The following CRTC1 variants were observed in gnomAD, a reference collection of about 807,000 sequenced individuals.
CRTC1 encodes the protein CREB regulated transcription coactivator 1.
CRTC1 carries 18 observed loss-of-function variants against 66.1 expected under a neutral mutation model. The ratio of observed to expected loss-of-function variants is 0.27; its 90% CI spans 0.19 to 0.40. The LOEUF is 0.40. Ranked by LOEUF, CRTC1 falls within the 10% of genes least tolerant of loss-of-function variation. The pLI is 1.00. For synonymous variants in CRTC1, 416 were observed against 398.8 expected (o/e 1.04, Z -0.51); for missense variants, 669 against 887.9 (o/e 0.75, Z 3.13).
chr19:18,689,583 A>ATATATATATG (rs60084986), intron 1 of CRTC1, among the ~76,000 whole-genome samples: 24 of 65,726 alleles, frequency 3.7e-4, no homozygotes, highest in Non-Finnish European at 4.8e-4. Flanking sequence ...ATATATATAT[A>ATATATATATG]TATGTAATAT....
rs988176999 is a variant in CRTC1, at chr19:18,741,586, C to T, written c.127-1324C>T. ...GCTGTAGGACCCCCACCCTACACCC[C>T]CTCCCTCTGCCACAGCCCGGAGCTG... On this transcript the variant is annotated intron_variant, in intron 1 of 13. Coordinates refer to ENST00000321949, the MANE Select transcript of CRTC1 (RefSeq NM_015321.3). The surrounding 1 kb of genome is among the most constrained non-coding windows in gnomAD (Gnocchi z 4.2). Among the ~76,000 whole-genome samples the T allele has an allele frequency of 2.0e-5, 3 of 152,154 alleles. No individual in the cohort carries two copies. The highest frequency in any genetic ancestry group is 2.9e-5 in the Non-Finnish European group (2 of 67,998).
intron 8 of CRTC1, among the ~76,000 whole-genome samples, chr19:18,761,290 AGT>A (rs1432118616): frequency 6.6e-6 from 1 of 152,056 alleles, no homozygotes; most frequent in African/African-American, 2.4e-5. Context: ...TTGGCTGTGC[AGT>A]GTGTGACCTG....
chr19:18,755,777 A>G (rs901393772), intron 6 of CRTC1, among the ~76,000 whole-genome samples: 2 of 150,834 alleles, frequency 1.3e-5, no homozygotes, highest in African/African-American at 4.9e-5. Context: ...CAATTTTTAA[A>G]TCATTTATAG....
chr19:18,777,366 G>A lies in CRTC1; in HGVS notation c.1889G>A (p.Arg630Gln), dbSNP rs2055013875. ...LADPATEDTF[R>Q]MDRL ...GACCCAGCCACCGAGGACACCTTCC[G>A]GATGGACCGCCTGTGAGCGGGCACG... Residue 630 changes from arginine to glutamine, a missense_variant, in exon 14 of 14, where the codon CGG becomes CAG. This residue lies in a region of CRTC1 where 91 missense variants were observed against 99.1 expected (regional missense o/e 0.92). Coordinates refer to ENST00000321949, the MANE Select transcript of CRTC1 (RefSeq NM_015321.3). The surrounding 1 kb of genome is among the most constrained non-coding windows in gnomAD (Gnocchi z 5.5). 1.2e-6 allele frequency: 2 copies of A among 1,604,146 alleles called. No homozygotes were observed. Among genetic ancestry groups the A allele is most frequent in the African/African-American group, 1.3e-5 (1 of 75,036 alleles).
chr19:18,742,222 C>T (rs959473737), intron 1 of CRTC1, among the ~76,000 whole-genome samples: 1 of 152,180 alleles, frequency 6.6e-6, no homozygotes, highest in African/African-American at 2.4e-5. Flanking sequence ...CATCAGGGAG[C>T]TCCTGGCCCC....
chr19:18,772,337 A>C (rs1349686140), intron 11 of CRTC1, among the ~76,000 whole-genome samples: 1 of 152,178 alleles, frequency 6.6e-6, no homozygotes, highest in Non-Finnish European at 1.5e-5. Context: ...GTCCGGGAGA[A>C]GGGGTGCCCA....
chr19:18,779,376 T>A lies in CRTC1; in HGVS notation c.*1994T>A, dbSNP rs1394837363. ...CTCCTGCTGCCGTCTTGTTCCAAGG[T>A]GCGGGGGGGACACTGTTGGTCTGTC... On this transcript the variant is annotated 3_prime_UTR_variant, in exon 14 of 14. Coordinates refer to ENST00000321949, the MANE Select transcript of CRTC1 (RefSeq NM_015321.3). 1 of 225,434 alleles carries A rather than the reference T, an allele frequency of 4.4e-6. No homozygotes were observed. Among genetic ancestry groups the A allele is most frequent in the African/African-American group, 2.2e-5 (1 of 44,764 alleles). The allele number at this position is 225,434 out of a possible 1,614,324, so 14.0% of individuals were successfully genotyped here. A position where few individuals can be genotyped will look rare whatever the true frequency, so the allele number is the denominator to read the frequency against.
chr19:18,759,953 G>GCTGCCAGCCCCCTGTCC, intron 7 of CRTC1, 55 bp from the exon 8 acceptor site: 2 of 1,051,878 alleles, frequency 1.9e-6, no homozygotes, highest in South Asian at 1.6e-5. Context: ...CCCTGTCCCC[G>GCTGCCAGCCCCCTGTCC]CCGCCAGCCC....
At chr19:18,749,126 C>G (rs1322385744) in intron 4 of CRTC1, among the ~76,000 whole-genome samples, 1 of 152,128 alleles carries the variant, frequency 6.6e-6, no homozygotes, top group Non-Finnish European at 1.5e-5. Context: ...CCCATCAGTT[C>G]CTAGAGGGAA....
At chr19:18,720,553 A>G (rs2053603640) in intron 1 of CRTC1, among the ~76,000 whole-genome samples, 1 of 121,894 alleles carries the variant, frequency 8.2e-6, no homozygotes, top group Non-Finnish European at 1.7e-5. Flanking sequence ...TTTTTAGCAG[A>G]GATGGGGTTT....
Position 18,781,558 on chromosome 19 carries a change from T to C in CRTC1, c.*4176T>C. Reference sequence around the variant, plus strand: ...CCCCCACTGGCCACAGACACCATTCTCCCCCTGGGAGCAGGAGGTGGAGTA... The same window carrying C: ...CCCCCACTGGCCACAGACACCATTCCCCCCCTGGGAGCAGGAGGTGGAGTA... On this transcript the variant is annotated 3_prime_UTR_variant, in exon 14 of 14. Transcript: ENST00000321949. 1 of 228,756 alleles carries C rather than the reference T, an allele frequency of 4.4e-6. No homozygotes were observed. The highest frequency in any genetic ancestry group is 8.7e-6 in the Non-Finnish European group (1 of 115,352). The allele number at this position is 228,756 out of a possible 1,614,324, so 14.2% of individuals were successfully genotyped here.
chr19:18,761,073 G>T (rs1439393941), intron 8 of CRTC1, among the ~76,000 whole-genome samples: 1 of 152,046 alleles, frequency 6.6e-6, no homozygotes, highest in Non-Finnish European at 1.5e-5. Flanking sequence ...CTTAGCCCCA[G>T]TCCCACCTCA....
At chr19:18,701,667 G>T (rs902112684) in intron 1 of CRTC1, among the ~76,000 whole-genome samples, 1 of 152,124 alleles carries the variant, frequency 6.6e-6, no homozygotes, top group African/African-American at 2.4e-5. Flanking sequence ...GTGCAATGGC[G>T]CCATCTCAGC....
At chr19:18,729,903 G>A (rs1356053677) in intron 1 of CRTC1, among the ~76,000 whole-genome samples, 1 of 152,094 alleles carries the variant, frequency 6.6e-6, no homozygotes, top group African/African-American at 2.4e-5. Context: ...TCCTGGGGTT[G>A]CCTGTGAAAC....
At chr19:18,708,421 G>A (rs975306733) in intron 1 of CRTC1, among the ~76,000 whole-genome samples, 10 of 152,304 alleles carry the variant, frequency 6.6e-5, no homozygotes, top group South Asian at 2.1e-4. Flanking sequence ...CCCGAGAGAG[G>A]AACGGGGCCA....
chr19:18,692,997 C>G (rs553786486), intron 1 of CRTC1, among the ~76,000 whole-genome samples: 113 of 149,612 alleles, frequency 7.6e-4, no homozygotes, highest in African/African-American at 2.8e-3. Flanking sequence ...ATCGCTTGAA[C>G]CTGGGAGGTG....
At chr19:18,696,461 G>A (rs1373963918) in intron 1 of CRTC1, among the ~76,000 whole-genome samples, 1 of 152,186 alleles carries the variant, frequency 6.6e-6, no homozygotes, top group East Asian at 1.9e-4. Context: ...ACAGTGGATT[G>A]TTGCAGTAAC....
rs977800528 is a variant in CRTC1, at chr19:18,771,769, G to T, written c.1425+223G>T. 2.6e-5 allele frequency among the ~76,000 whole-genome samples: 4 copies of T among 152,204 alleles called. No homozygotes were observed. Among genetic ancestry groups the T allele is most frequent in the Non-Finnish European group, 4.4e-5 (3 of 68,028 alleles). ...CCAGGAGCCGCCAGAGCCTGCCTCT[G>T]CTGAACACTAGGTGGGGGTGTGCGT... On this transcript the variant is annotated intron_variant, in intron 11 of 13. Transcript: ENST00000321949. This position sits in a 1 kb window ranked among gnomAD's most constrained non-coding sequence, Gnocchi z 4.6.
At position 18,726,553 on chromosome 19, in the gene CRTC1, G is replaced by A. The variant is rs113776482; in HGVS notation, c.127-16357G>A. On this transcript the variant is annotated intron_variant, in intron 1 of 13. Transcript: ENST00000321949. ...TGTGAGTGAGCTCATTTGGAAATAG[G>A]GATTTTACAGATGGACTTAAGTCAT... 2.1e-3 allele frequency among the ~76,000 whole-genome samples: 320 copies of A among 152,330 alleles called. 1 individual carries two copies. Among genetic ancestry groups the A allele is most frequent in the African/African-American group, 7.2e-3 (300 of 41,568 alleles).
Sources: allele counts gnomAD v4.1 joint callset (sites outside exome capture counted in the v4.1 genomes callset), GRCh38; gene constraint gnomAD v4.1.1; regional missense constraint gnomAD v4.1.1; non-coding constraint Gnocchi (gnomAD v3.1); transcripts MANE v1.5; gene names NCBI Gene and HGNC (gene_info 2026-07-23, HGNC 2026-07-21).